The following DDX27 variants were observed in gnomAD, a reference collection of about 807,000 sequenced individuals.
DDX27 encodes probable ATP-dependent RNA helicase DDX27.
DDX27 carries 42 observed loss-of-function variants against 99.3 expected under a neutral mutation model. The ratio of observed to expected loss-of-function variants is 0.42; its 90% CI spans 0.33 to 0.55. DDX27 has a LOEUF of 0.55. Among genes scored for constraint, DDX27 ranks in the 20% least tolerant of loss-of-function variants. DDX27 has a pLI of 0.07. For synonymous variants in DDX27, 329 were observed against 353.8 expected, an observed-to-expected ratio of 0.93 and a Z score of 0.79; for missense variants, 798 against 976.8, an observed-to-expected ratio of 0.82 and a Z score of 2.44.
At chr20:49,235,564 G>C (rs1980271987) in intron 12 of DDX27, 1 of 159,248 alleles carries the variant, frequency 6.3e-6, no homozygotes, top group African/African-American at 2.4e-5. Context: ...GAACCCTTTA[G>C]AACTCTCCAC....
chr20:49,242,134 C>A lies in DDX27; in HGVS notation c.2044C>A (p.Arg682=), dbSNP rs369804580. 1.2e-6 allele frequency: 2 copies of A among 1,614,158 alleles called. No individual in the cohort carries two copies. The change falls in exon 18 of 21, where the codon CGG becomes AGG. Residue 682 remains arginine, a synonymous_variant. Transcript: ENST00000618172. ...EILKAQMFAE[R]LAKRNRRAKR... ...CCTCAAGGCGCAGATGTTTGCTGAA[C>A]GGCTAGCGAAGAGGAATCGCAGAGC...
At chr20:49,232,990 C>G (rs1255749511) in intron 9 of DDX27, among the ~76,000 whole-genome samples, 1 of 150,832 alleles carries the variant, frequency 6.6e-6, no homozygotes, top group African/African-American at 2.4e-5. Flanking sequence ...GTGGCCTGTG[C>G]TTTAGATATT....
At chr20:49,235,700 G>A (rs935813492) in intron 12 of DDX27, 2 of 156,486 alleles carry the variant, frequency 1.3e-5, no homozygotes, top group African/African-American at 4.8e-5. Context: ...GGTTGTTGAA[G>A]GGTGGGTGTA....
At chr20:49,228,196 G>A (rs1979969553) in intron 7 of DDX27, among the ~76,000 whole-genome samples, 1 of 151,190 alleles carries the variant, frequency 6.6e-6, no homozygotes. Flanking sequence ...AGGCTAGAGT[G>A]CAGTGGTGCG....
In DDX27 at chr20:49,239,311, A is replaced by T; in HGVS notation, c.1870A>T (p.Thr624Ser). 1.2e-6 allele frequency: 2 copies of T among 1,612,386 alleles called. No homozygotes were observed. The highest frequency in any genetic ancestry group is 1.7e-6 in the Non-Finnish European group (2 of 1,178,882). The change falls in exon 16 of 21, where the codon ACC becomes TCC. Residue 624 changes from threonine (T) to serine (S), a missense_variant. This residue lies in a region of DDX27 where 553 missense variants were observed against 727.9 expected (regional missense o/e 0.76). Transcript: ENST00000618172. Reference protein sequence around the residue: ...VQEPERSWFQTKEERKKEKIA... With the variant: ...VQEPERSWFQSKEERKKEKIA... ...AGAGCCCGAGAGGAGCTGGTTCCAG[A>T]CCAAAGAAGAGAGGAAGAAGGAGAA...
In DDX27 at chr20:49,236,560, A is replaced by G. The variant is rs1980317172; in HGVS notation, c.1687+50A>G. ...GCAGAATGGCTCGGTGGGCGGGGCA[A>G]GGACAGAGTGTAATGGCTGAGAGCA... On this transcript the variant is annotated intron_variant, in intron 14 of 20. Coordinates refer to ENST00000618172, the MANE Select transcript of DDX27 (RefSeq NM_017895.8). The surrounding 1 kb of genome is among the most constrained non-coding windows in gnomAD (Gnocchi z 4.1). 6.7e-7 allele frequency: 1 copy of G among 1,498,410 alleles called. No homozygotes were observed. The highest frequency in any genetic ancestry group is 8.9e-7 in the Non-Finnish European group (1 of 1,121,580). 92.8% of individuals were successfully genotyped at this position (1,498,410 alleles called of 1,614,324 possible). A position where few individuals can be genotyped will look rare whatever the true frequency, so the allele number is the denominator to read the frequency against.
intron 9 of DDX27, among the ~76,000 whole-genome samples, chr20:49,231,925 C>T (rs1223486710): frequency 6.6e-6 from 1 of 151,360 alleles, no homozygotes; most frequent in Non-Finnish European, 1.5e-5. Flanking sequence ...GCTTTGTCAC[C>T]CAGGCTGGAG....
Position 49,230,354 on chromosome 20 carries a change from T to G in DDX27, c.1031+5T>G. 6.2e-7 allele frequency: 1 copy of G among 1,604,210 alleles called. No individual in the cohort carries two copies. On this transcript the variant is annotated splice_donor_5th_base_variant and intron_variant, in intron 9 of 20. Transcript: ENST00000618172. ...CATCCTGGACGAGGCTGACAGGTGCTCCTCACAGCCTGGGGCCCAGGGCAC... is the reference window on the plus strand; with the variant it reads ...CATCCTGGACGAGGCTGACAGGTGCGCCTCACAGCCTGGGGCCCAGGGCAC...
chr20:49,222,539 AG>A (rs1386082315), intron 2 of DDX27, among the ~76,000 whole-genome samples: 1 of 150,308 alleles, frequency 6.7e-6, no homozygotes, highest in African/African-American at 2.5e-5. Context: ...TTTGAGACGG[AG>A]TTTTGCTCTT....
At chr20:49,219,624 A>G (rs916493809) in intron 1 of DDX27, 83 bp downstream of exon 1, 16 of 1,393,794 alleles carry the variant, frequency 1.1e-5, no homozygotes, top group Non-Finnish European at 1.4e-5. Flanking sequence ...CCGAATCCTC[A>G]TCATCCCCTG....
At chr20:49,242,309 T>C (rs980486838) in intron 18 of DDX27, 103 bp downstream of exon 18, 79 of 1,517,092 alleles carry the variant, frequency 5.2e-5, no homozygotes, top group Non-Finnish European at 6.4e-5. Flanking sequence ...TAGCCCACAT[T>C]ATTTGAGTAA....
At chr20:49,225,342 G>C (rs553646543) in intron 6 of DDX27, 143 bp downstream of exon 6, 1 of 710,442 alleles carries the variant, frequency 1.4e-6, no homozygotes, top group African/African-American at 1.8e-5. Flanking sequence ...TGCCTGGCCA[G>C]TAGTGGCTTA....
rs369911308 is a variant in DDX27 at position 49,243,952 on chromosome 20, A to G, written c.*118A>G. ...TAAAAAAAAAACAAAAACAAAAAAC[A>G]ACACTTTGGTGTGGTGGTATGGTAC... On this transcript the variant is annotated 3_prime_UTR_variant, in exon 21 of 21. Transcript: ENST00000618172. 11 of 1,279,650 alleles carry G rather than the reference A, an allele frequency of 8.6e-6. No homozygotes were observed. The African/African-American group carries it at 1.7e-4, about 19-fold the overall frequency. The allele number at this position is 1,279,650 out of a possible 1,614,324, so 79.3% of individuals were successfully genotyped here.
In DDX27 at chr20:49,230,213, A is replaced by C. The variant is rs1176268085; in HGVS notation, c.895A>C (p.Lys299Gln). ...TCLAVGGLDV[K>Q]SQEAALRAAP... ...TCTCTTTGCAGGCGGCTTGGATGTG[A>C]AGTCTCAGGAAGCAGCTCTTCGGGC... The change falls in exon 9 of 21, where the codon AAG becomes CAG. Residue 299 changes from lysine to glutamine, a missense_variant. Physicochemically the swap from Lys to Gln is moderately conservative, Grantham distance 53. Around this residue, in one of 2 missense-constraint regions of DDX27, gnomAD observed 553 missense variants for 727.9 expected, o/e 0.76. Coordinates refer to ENST00000618172, the MANE Select transcript of DDX27 (RefSeq NM_017895.8). 3 of 1,612,322 alleles carry C rather than the reference A, an allele frequency of 1.9e-6. No individual in the cohort carries two copies. The East Asian group carries it at 6.7e-5, about 36-fold the overall frequency.
intron 3 of DDX27, 98 bp downstream of exon 3, chr20:49,223,114 G>T: frequency 7.2e-7 from 1 of 1,387,764 alleles, no homozygotes; most frequent in Non-Finnish European, 1.0e-6. Context: ...AGCGGGGCAT[G>T]GCTGGGGCAG....
At chr20:49,232,763 CAAAAA>C (rs3061137) in intron 9 of DDX27, 13 of 61,840 alleles carry the variant, frequency 2.1e-4, no homozygotes, top group South Asian at 1.9e-3. Context: ...GACTCCGTCT[CAAAAA>C]AAAAAAAAAA....
chr20:49,228,262 A>T (rs1379008729), intron 7 of DDX27, among the ~76,000 whole-genome samples: 1 of 151,782 alleles, frequency 6.6e-6, no homozygotes, highest in Non-Finnish European at 1.5e-5. Flanking sequence ...CAGCCTCCTG[A>T]GTAGCTGGGA....
At chr20:49,226,633 C>G in intron 7 of DDX27, 98 bp downstream of exon 7, 2 of 766,562 alleles carry the variant, frequency 2.6e-6, no homozygotes, top group Non-Finnish European at 4.1e-6. Context: ...AATAAATATT[C>G]TTGGTTTTTT....
At chr20:49,224,366 CTT>C (rs11381256) in intron 4 of DDX27, among the ~76,000 whole-genome samples, 1 of 144,354 alleles carries the variant, frequency 6.9e-6, no homozygotes, top group Non-Finnish European at 1.5e-5. Context: ...TTCTTTCTTT[CTT>C]TTTTTTTTTT....
Sources: gnomAD v4.1 joint callset for allele counts (sites outside exome capture counted in the v4.1 genomes callset) on GRCh38, gnomAD v4.1.1 for gene constraint, gnomAD v4.1.1 regional missense constraint, Gnocchi (gnomAD v3.1) non-coding constraint, MANE v1.5 for transcripts, NCBI Gene and HGNC (gene_info 2026-07-23, HGNC 2026-07-21) for gene names.